RGS21: variants seen among roughly 807,000 people sequenced by gnomAD.
RGS21 encodes the protein regulator of G-protein signalling 21.
Under a neutral mutation model 18.7 loss-of-function variants are expected in RGS21, and 19 were observed. The observed-to-expected ratio is 1.01, with a 90% CI of 0.71 to 1.49. The LOEUF is 1.49. Among genes scored for constraint, RGS21 ranks in the 40% most tolerant of loss-of-function variants. The pLI, the probability that RGS21 is intolerant of heterozygous loss-of-function variation, is 0.00. For synonymous variants in RGS21, 56 were observed against 57.8 expected (o/e 0.97, Z 0.14); for missense variants, 194 against 176.8 (o/e 1.10, Z -0.55).
At chr1:192,356,855 A>G (rs1162757963) in intron 4 of RGS21, among the ~76,000 whole-genome samples, 1 of 151,630 alleles carries the variant, frequency 6.6e-6, no homozygotes, top group Non-Finnish European at 1.5e-5. Flanking sequence ...TGCTCCCCCA[A>G]CTACAGAATC....
chr1:192,322,793 G>C (rs1658515513), intron 1 of RGS21, among the ~76,000 whole-genome samples: 1 of 151,998 alleles, frequency 6.6e-6, no homozygotes, highest in Non-Finnish European at 1.5e-5. Flanking sequence ...ACTGCAAAAA[G>C]TTTACTCTGT....
At chr1:192,317,720 T>C (rs1326317555) in intron 1 of RGS21, among the ~76,000 whole-genome samples, 1 of 152,014 alleles carries the variant, frequency 6.6e-6, no homozygotes, top group Non-Finnish European at 1.5e-5. Context: ...ACTTCAACAA[T>C]GTTTACAGTT....
intron 4 of RGS21, among the ~76,000 whole-genome samples, chr1:192,361,967 T>C (rs1659192923): frequency 6.6e-6 from 1 of 152,090 alleles, no homozygotes; most frequent in South Asian, 2.1e-4. Flanking sequence ...ATGATAAAGG[T>C]GGAAGACAAA....
intron 4 of RGS21, among the ~76,000 whole-genome samples, chr1:192,357,307 G>T (rs1379118271): frequency 1.3e-5 from 2 of 151,916 alleles, no homozygotes; most frequent in African/African-American, 2.4e-5. Context: ...GCCTAGTATT[G>T]TGTGTGTTCA....
intron 1 of RGS21, among the ~76,000 whole-genome samples, chr1:192,330,127 A>C (rs1046143055): frequency 1.3e-5 from 2 of 152,172 alleles, no homozygotes; most frequent in African/African-American, 4.8e-5. Context: ...ATGGAATAAG[A>C]AGTCTAAAAG....
chr1:192,365,716 T>C (rs1434832718), intron 4 of RGS21, among the ~76,000 whole-genome samples: 1 of 152,140 alleles, frequency 6.6e-6, no homozygotes, highest in Non-Finnish European at 1.5e-5. Flanking sequence ...CACTGTTTCC[T>C]GTCAATGCTA....
At chr1:192,361,111 G>T (rs1659181633) in intron 4 of RGS21, among the ~76,000 whole-genome samples, 1 of 152,046 alleles carries the variant, frequency 6.6e-6, no homozygotes, top group Non-Finnish European at 1.5e-5. Flanking sequence ...ATATGGTTGT[G>T]TGATATTTAG....
At chr1:192,327,099 T>C (rs941232294) in intron 1 of RGS21, among the ~76,000 whole-genome samples, 6 of 152,264 alleles carry the variant, frequency 3.9e-5, no homozygotes, top group African/African-American at 1.4e-4. Flanking sequence ...ATAAACTCTT[T>C]CAATGTGCAT....
chr1:192,326,152 C>G (rs968722393), intron 1 of RGS21, among the ~76,000 whole-genome samples: 1 of 151,876 alleles, frequency 6.6e-6, no homozygotes, highest in African/African-American at 2.4e-5. Flanking sequence ...TCTAGGTAGC[C>G]TTTGTGGCAC....
At position 192,355,282 on chromosome 1, in the gene RGS21, T is replaced by C. The variant is rs140282950; in HGVS notation, c.255+3069T>C. 1.5e-3 allele frequency among the ~76,000 whole-genome samples: 230 copies of C among 151,844 alleles called. 1 individual carries two copies. Among genetic ancestry groups the C allele is most frequent in the African/African-American group, 5.3e-3 (221 of 41,540 alleles). ...GATAGTGTGTCTAGGGTTTACATCA[T>C]GCAGAACGGTTTTTAAGGAATGGTA... On this transcript the variant is annotated intron_variant, in intron 4 of 4. Coordinates refer to ENST00000417209, the MANE Select transcript of RGS21 (RefSeq NM_001039152.3).
At chr1:192,353,891 G>A (rs574403751) in intron 4 of RGS21, among the ~76,000 whole-genome samples, 2 of 151,554 alleles carry the variant, frequency 1.3e-5, no homozygotes, top group African/African-American at 4.8e-5. Context: ...GTCTTTCCTT[G>A]AAGTGTCTCT....
chr1:192,336,980 T>C (rs938380461), intron 1 of RGS21, among the ~76,000 whole-genome samples: 1 of 152,158 alleles, frequency 6.6e-6, no homozygotes, highest in East Asian at 1.9e-4. Flanking sequence ...AATGTGGATA[T>C]AGTTGCAATA....
chr1:192,344,131 C>A (rs1658913653), intron 2 of RGS21, among the ~76,000 whole-genome samples: 1 of 151,918 alleles, frequency 6.6e-6, no homozygotes, highest in African/African-American at 2.4e-5. Context: ...TTCTTAAATT[C>A]TGTTTCGTGT....
At chr1:192,358,904 A>G (rs1659145658) in intron 4 of RGS21, among the ~76,000 whole-genome samples, 1 of 152,128 alleles carries the variant, frequency 6.6e-6, no homozygotes, top group African/African-American at 2.4e-5. Flanking sequence ...CTGGGTCTTC[A>G]TAATAAAATT....
At chr1:192,339,777 G>A (rs990622223) in intron 1 of RGS21, among the ~76,000 whole-genome samples, 2 of 151,938 alleles carry the variant, frequency 1.3e-5, no homozygotes, top group Non-Finnish European at 2.9e-5. Context: ...TTTTAAACTA[G>A]AAAGTTGACT....
At chr1:192,319,303 T>A (rs1658463453) in intron 1 of RGS21, among the ~76,000 whole-genome samples, 1 of 151,936 alleles carries the variant, frequency 6.6e-6, no homozygotes, top group South Asian at 2.1e-4. Flanking sequence ...CCCTTCCAAC[T>A]TTTTTTTATA....
chr1:192,317,233 T>A (rs1171142069), intron 1 of RGS21, 128 bp downstream of exon 1: 1 of 151,838 alleles, frequency 6.6e-6, no homozygotes, highest in East Asian at 1.9e-4. Context: ...TTTGGAATCA[T>A]AAAAAGAAAA....
At chr1:192,328,855 T>C (rs1455827959) in intron 1 of RGS21, among the ~76,000 whole-genome samples, 1 of 152,110 alleles carries the variant, frequency 6.6e-6, no homozygotes, top group East Asian at 1.9e-4. Context: ...TTGCAGGTGA[T>C]AGCTGTTATG....
At chr1:192,347,221 T>C in intron 2 of RGS21, 92 bp from the exon 3 acceptor site, 2 of 776,212 alleles carry the variant, frequency 2.6e-6, no homozygotes, top group Non-Finnish European at 4.5e-6. Flanking sequence ...CAGCATGAAG[T>C]TCATTTGAAT....
Sources: allele counts gnomAD v4.1 joint callset (sites outside exome capture counted in the v4.1 genomes callset), GRCh38; gene constraint gnomAD v4.1.1; transcripts MANE v1.5; gene names NCBI Gene and HGNC (gene_info 2026-07-23, HGNC 2026-07-21).